Variants in CNTNAP2 observed in about 807,000 individuals in gnomAD.
CNTNAP2 encodes the protein contactin associated protein 2.
In CNTNAP2, 98 loss-of-function variants were observed where a neutral mutation model predicts 155.2. That is an observed-to-expected ratio of 0.63 (90% CI 0.54 to 0.75). The LOEUF (loss-of-function observed/expected upper bound fraction) is 0.75, where lower values mean the gene tolerates loss of function less well. CNTNAP2 is among the 30% of genes least tolerant of loss of function. The pLI, the probability that CNTNAP2 is intolerant of heterozygous loss-of-function variation, is 0.00. For missense variants in CNTNAP2, 1,727 were observed against 1,688.1 expected, an observed-to-expected ratio of 1.02 and a Z score of -0.40; for synonymous variants, 651 against 631.2, an observed-to-expected ratio of 1.03 and a Z score of -0.47.
At chr7:146,763,421 C>T (rs879559095) in intron 1 of CNTNAP2, among the ~76,000 whole-genome samples, 1 of 152,052 alleles carries the variant, frequency 6.6e-6, no homozygotes, top group Non-Finnish European at 1.5e-5. Flanking sequence ...GCCCTATTTT[C>T]CCTATAATTA....
intron 8 of CNTNAP2, among the ~76,000 whole-genome samples, chr7:147,226,707 T>G (rs528236423): frequency 6.6e-6 from 1 of 152,292 alleles, no homozygotes; most frequent in Non-Finnish European, 1.5e-5. Context: ...ACAAATTGCC[T>G]CTTTTGGAGA....
chr7:147,133,338 G>C (rs1801413883), intron 8 of CNTNAP2, among the ~76,000 whole-genome samples: 1 of 152,004 alleles, frequency 6.6e-6, no homozygotes, highest in African/African-American at 2.4e-5. Context: ...ACTTAGAAAT[G>C]GGAGATACAA....
At chr7:148,258,197 C>T (rs1268867933) in intron 20 of CNTNAP2, among the ~76,000 whole-genome samples, 2 of 152,204 alleles carry the variant, frequency 1.3e-5, no homozygotes, top group Admixed American at 6.5e-5. Flanking sequence ...CAGTGTTTAA[C>T]AAGCGTGTGT....
chr7:146,438,556 A>C (rs1432323222), intron 1 of CNTNAP2, among the ~76,000 whole-genome samples: 1 of 151,362 alleles, frequency 6.6e-6, no homozygotes, highest in Non-Finnish European at 1.5e-5. Flanking sequence ...ATTAGTTTGC[A>C]TTTTAATTAT....
chr7:148,228,143 T>C (rs6971958), intron 19 of CNTNAP2, among the ~76,000 whole-genome samples: 14,167 of 152,168 alleles, frequency 0.093, 1,324 homozygotes, highest in African/African-American at 0.24. Flanking sequence ...GATTTGCAGT[T>C]GGTCAAATTC....
chr7:148,302,813 CT>C (rs59354674), intron 21 of CNTNAP2, among the ~76,000 whole-genome samples: 1,629 of 86,840 alleles, frequency 0.019, 5 homozygotes, highest in African/African-American at 0.035. Flanking sequence ...CTCGATTATT[CT>C]TTTTTTTTTT....
At chr7:147,570,779 A>G (rs1800272595) in intron 12 of CNTNAP2, among the ~76,000 whole-genome samples, 1 of 152,220 alleles carries the variant, frequency 6.6e-6, no homozygotes, top group Non-Finnish European at 1.5e-5. Context: ...CTTTTCAGCC[A>G]GGCTTGTGTG....
At chr7:148,024,044 G>A (rs543939364) in intron 15 of CNTNAP2, among the ~76,000 whole-genome samples, 24 of 149,430 alleles carry the variant, frequency 1.6e-4, no homozygotes, top group Non-Finnish European at 2.8e-4. Flanking sequence ...ACAACATCTA[G>A]AAGTAGACAG....
At chr7:146,209,368 G>A (rs1798999802) in intron 1 of CNTNAP2, among the ~76,000 whole-genome samples, 1 of 152,104 alleles carries the variant, frequency 6.6e-6, no homozygotes, top group Non-Finnish European at 1.5e-5. Flanking sequence ...TTAGCCTCCT[G>A]AATCATCCTG....
intron 13 of CNTNAP2, among the ~76,000 whole-genome samples, chr7:147,825,831 A>G (rs1268060509): frequency 6.6e-6 from 1 of 152,130 alleles, no homozygotes; most frequent in Non-Finnish European, 1.5e-5. Context: ...TGCACTGAGG[A>G]GGCCAAGGAA....
intron 1 of CNTNAP2, among the ~76,000 whole-genome samples, chr7:146,625,499 T>G (rs1030211308): frequency 2.6e-5 from 4 of 152,108 alleles, no homozygotes; most frequent in Non-Finnish European, 5.9e-5. Context: ...TATTTGAATC[T>G]CAAAATTTAT....
At chr7:148,170,378 A>G (rs1335829223) in intron 17 of CNTNAP2, among the ~76,000 whole-genome samples, 1 of 152,220 alleles carries the variant, frequency 6.6e-6, no homozygotes, top group Non-Finnish European at 1.5e-5. Flanking sequence ...ATAGAAGCCA[A>G]ATTGAAATTC....
In CNTNAP2 at chr7:146,851,422, C is replaced by G. The variant is rs559416467; in HGVS notation, c.402+11518C>G. Among the ~76,000 whole-genome samples the G allele has an allele frequency of 3.9e-5, 6 of 152,106 alleles. No individual in the cohort carries two copies. In the South Asian group the frequency reaches 1.2e-3, roughly 32 times the overall value. On this transcript the variant is annotated intron_variant, in intron 3 of 23. Coordinates refer to ENST00000361727, the MANE Select transcript of CNTNAP2 (RefSeq NM_014141.6). ...AATTTTTAAAGAAAGTACTATTTAC[C>G]TACTGTATTAGTTTGCTAGGGCTGC...
intron 8 of CNTNAP2, among the ~76,000 whole-genome samples, chr7:147,235,875 G>A (rs145373631): frequency 6.6e-6 from 1 of 152,014 alleles, no homozygotes; most frequent in South Asian, 2.1e-4. Flanking sequence ...GTGTGTAGAT[G>A]AATAACATAC....
intron 1 of CNTNAP2, among the ~76,000 whole-genome samples, chr7:146,439,190 T>C (rs888717386): frequency 4.0e-5 from 6 of 151,518 alleles, no homozygotes; most frequent in African/African-American, 7.4e-5. Context: ...CCCTTCCTTA[T>C]ATTTCCAGTG....
intron 8 of CNTNAP2, among the ~76,000 whole-genome samples, chr7:147,264,566 C>T (rs1261115622): frequency 6.6e-6 from 1 of 150,792 alleles, no homozygotes; most frequent in Non-Finnish European, 1.5e-5. Context: ...GCATATCAAA[C>T]CCTCTGATGG....
At chr7:146,431,695 C>T (rs1170598066) in intron 1 of CNTNAP2, among the ~76,000 whole-genome samples, 2 of 152,004 alleles carry the variant, frequency 1.3e-5, no homozygotes, top group Non-Finnish European at 2.9e-5. Flanking sequence ...AAAAGTCACA[C>T]CAAAGTCACA....
At chr7:148,090,813 A>G (rs927914321) in intron 15 of CNTNAP2, among the ~76,000 whole-genome samples, 3 of 152,160 alleles carry the variant, frequency 2.0e-5, no homozygotes, top group Admixed American at 1.3e-4. Context: ...TTACCGCAGC[A>G]TTATTCACAA....
chr7:146,508,618 T>TC (rs1375592365), intron 1 of CNTNAP2, among the ~76,000 whole-genome samples: 3 of 152,092 alleles, frequency 2.0e-5, no homozygotes, highest in Non-Finnish European at 4.4e-5. Flanking sequence ...TTGTCTGGTG[T>TC]CCCCCCAAGC....
Sources: allele counts gnomAD v4.1 joint callset (sites outside exome capture counted in the v4.1 genomes callset), GRCh38; gene constraint gnomAD v4.1.1; transcripts MANE v1.5; gene names NCBI Gene and HGNC (gene_info 2026-07-23, HGNC 2026-07-21).